Variants in MEIS2 observed in about 807,000 individuals in gnomAD.
MEIS2 encodes the protein homeobox protein Meis2.
MEIS2 carries 9 observed loss-of-function variants against 58.6 expected under a neutral mutation model. That is an observed-to-expected ratio of 0.15 (90% CI 0.09 to 0.27). The LOEUF is 0.27. Among genes scored for constraint, MEIS2 ranks in the 10% least tolerant of loss-of-function variants. The pLI is 1.00. For synonymous variants in MEIS2, 221 were observed against 228.4 expected, an observed-to-expected ratio of 0.97 and a Z score of 0.29; for missense variants, 427 against 635.0, an observed-to-expected ratio of 0.67 and a Z score of 3.52.
intron 7 of MEIS2, among the ~76,000 whole-genome samples, chr15:37,082,990 TA>T (rs1028796866): frequency 1.3e-5 from 2 of 152,102 alleles, no homozygotes; most frequent in African/African-American, 4.8e-5. Context: ...TGTAAAATAT[TA>T]AAAAGTAAAA....
At chr15:36,964,861 A>T (rs1390024478) in intron 8 of MEIS2, among the ~76,000 whole-genome samples, 1 of 152,172 alleles carries the variant, frequency 6.6e-6, no homozygotes, top group African/African-American at 2.4e-5. Context: ...TACTGGCAGA[A>T]ATAGGTTGGA....
chr15:36,916,428 A>AT (rs1325736868), intron 9 of MEIS2, among the ~76,000 whole-genome samples: 5 of 144,158 alleles, frequency 3.5e-5, no homozygotes, highest in Non-Finnish European at 6.0e-5. Context: ...CTCCATCTCA[A>AT]TTAAAAAAAA....
At chr15:37,012,429 C>T (rs2061196674) in intron 8 of MEIS2, among the ~76,000 whole-genome samples, 1 of 152,216 alleles carries the variant, frequency 6.6e-6, no homozygotes, top group Non-Finnish European at 1.5e-5. Flanking sequence ...TTATCACTAA[C>T]TGAACCTCAG....
At chr15:37,016,000 C>T (rs1024415610) in intron 8 of MEIS2, among the ~76,000 whole-genome samples, 1 of 152,110 alleles carries the variant, frequency 6.6e-6, no homozygotes, top group Admixed American at 6.6e-5. Context: ...AGCCAGTCCT[C>T]CTTTCCCCCT....
chr15:36,971,807 A>G (rs955463322), intron 8 of MEIS2, among the ~76,000 whole-genome samples: 1 of 152,156 alleles, frequency 6.6e-6, no homozygotes, highest in African/African-American at 2.4e-5. Context: ...GAGACTTTAC[A>G]TTCTTCATAA....
At chr15:36,971,165 A>G (rs2141465840) in intron 8 of MEIS2, among the ~76,000 whole-genome samples, 1 of 152,152 alleles carries the variant, frequency 6.6e-6, no homozygotes, top group East Asian at 1.9e-4. Context: ...AAAAAGGAAT[A>G]ATCAGAACAT....
intron 8 of MEIS2, among the ~76,000 whole-genome samples, chr15:37,025,373 G>C (rs1365269042): frequency 1.3e-5 from 2 of 152,142 alleles, no homozygotes; most frequent in African/African-American, 2.4e-5. Context: ...GCTAAGACTA[G>C]GACACTGGTC....
chr15:37,051,630 A>C (rs1426048226), intron 7 of MEIS2, among the ~76,000 whole-genome samples: 1 of 152,198 alleles, frequency 6.6e-6, no homozygotes, highest in Admixed American at 6.5e-5. Flanking sequence ...ATACCTCAGT[A>C]AAGTTCATAA....
chr15:36,917,235 A>G (rs182892919), intron 9 of MEIS2, among the ~76,000 whole-genome samples: 7 of 152,320 alleles, frequency 4.6e-5, no homozygotes, highest in Admixed American at 3.9e-4. Context: ...CATAAAATGG[A>G]GCCTTGGAAA....
chr15:37,028,815 C>T (rs1017596507), intron 8 of MEIS2, among the ~76,000 whole-genome samples: 1 of 152,152 alleles, frequency 6.6e-6, no homozygotes, highest in Non-Finnish European at 1.5e-5. Context: ...AGCACCCTCC[C>T]ATCCCAATAA....
At position 36,895,190 on chromosome 15, in the gene MEIS2, C is replaced by T; in HGVS notation, c.1108G>A (p.Val370Met). 3.1e-6 allele frequency: 5 copies of T among 1,614,160 alleles called. No homozygotes were observed. The change falls in exon 11 of 12, where the codon GTG becomes ATG. Residue 370 changes from valine (V) to methionine (M), a missense_variant. Val to Met is a conservative substitution (Grantham distance 21). Coordinates refer to ENST00000561208, the MANE Select transcript of MEIS2 (RefSeq NM_170675.5). ...CCCATGTGTTGCTGACCATCCAACA[C>T]AAAGCTCCCCATGGGCTGACCCTCT... ...SPEGQPMGSF[V>M]LDGQQHMGIR...
intron 8 of MEIS2, among the ~76,000 whole-genome samples, chr15:37,023,907 CTCTCT>C (rs374777948): frequency 0.11 from 13,212 of 115,822 alleles, 543 homozygotes; most frequent in East Asian, 0.32. Context: ...CTCCTTTTCT[CTCTCT>C]TTTTTTTTTT....
At chr15:36,903,010 AAGG>A (rs2056554774) in intron 9 of MEIS2, among the ~76,000 whole-genome samples, 1 of 152,166 alleles carries the variant, frequency 6.6e-6, no homozygotes. Context: ...AGAATTTTTA[AAGG>A]AGATCAAGAA....
rs112785009 is a variant in MEIS2, at chr15:37,063,248, C to T, written c.754+20523G>A. On this transcript the variant is annotated intron_variant, in intron 7 of 11. Coordinates refer to ENST00000561208, the MANE Select transcript of MEIS2 (RefSeq NM_170675.5). ...GTCTCACTATGTTGCTCAGGGTGGA[C>T]GCAAACTTCTGGCCTCAGGTGATCT... is the stretch of plus-strand genomic sequence containing the variant. Among the ~76,000 whole-genome samples, 7 of 152,258 alleles carry T rather than the reference C, an allele frequency of 4.6e-5. No individual in the cohort carries two copies. In the East Asian group the frequency reaches 7.7e-4, roughly 17 times the overall value.
intron 8 of MEIS2, among the ~76,000 whole-genome samples, chr15:36,993,323 T>TA (rs1000283376): frequency 6.6e-6 from 1 of 152,130 alleles, no homozygotes; most frequent in African/African-American, 2.4e-5. Flanking sequence ...TACTTTCATT[T>TA]AAAAAAAGTA....
At chr15:36,921,722 T>C (rs1226272866) in intron 9 of MEIS2, among the ~76,000 whole-genome samples, 1 of 100,326 alleles carries the variant, frequency 1.0e-5, no homozygotes, top group Non-Finnish European at 2.6e-5. Flanking sequence ...TTGGCATTGT[T>C]GAAAAAAAAA....
intron 10 of MEIS2, 126 bp from the exon 11 acceptor site, chr15:36,895,387 G>T: frequency 5.3e-6 from 4 of 751,900 alleles, no homozygotes; most frequent in Admixed American, 5.0e-5. Flanking sequence ...ACAAATGGGG[G>T]TGTGGTTTGT....
intron 9 of MEIS2, among the ~76,000 whole-genome samples, chr15:36,927,714 C>A (rs886968385): frequency 1.2e-4 from 13 of 110,806 alleles, no homozygotes; most frequent in African/African-American, 2.6e-4. Flanking sequence ...GAGGAAGTGA[C>A]CAAGGAAACT....
chr15:37,091,270 A>G (rs1893479896), intron 6 of MEIS2, among the ~76,000 whole-genome samples: 1 of 152,182 alleles, frequency 6.6e-6, no homozygotes, highest in Non-Finnish European at 1.5e-5. Context: ...AAAAGTCTCA[A>G]AAATGGTGAA....
Sources: gnomAD v4.1 joint callset for allele counts (sites outside exome capture counted in the v4.1 genomes callset) on GRCh38, gnomAD v4.1.1 for gene constraint, MANE v1.5 for transcripts, NCBI Gene and HGNC (gene_info 2026-07-23, HGNC 2026-07-21) for gene names.